STKLD1: variants seen among roughly 807,000 people sequenced by gnomAD.
STKLD1 encodes serine/threonine kinase-like domain-containing protein STKLD1.
STKLD1 carries 79 observed loss-of-function variants against 80.4 expected under a neutral mutation model. The ratio of observed to expected loss-of-function variants is 0.98; its 90% CI spans 0.82 to 1.19. The LOEUF is 1.19. STKLD1 is among the 50% of genes most tolerant of loss of function. The probability of loss-of-function intolerance (pLI) is 0.00; values close to 1 mark genes in which losing one functional copy is unlikely to be tolerated. For synonymous variants in STKLD1, 393 were observed against 357.6 expected (o/e 1.10, Z -1.12); for missense variants, 841 against 856.0 (o/e 0.98, Z 0.22).
intron 7 of STKLD1, among the ~76,000 whole-genome samples, chr9:133,392,687 G>A (rs1214064924): frequency 0.019 from 1,929 of 102,748 alleles, 171 homozygotes; most frequent in Non-Finnish European, 0.026. Context: ...GGATGGGTGA[G>A]TAGGTGAGTG....
chr9:133,401,201 C>T (rs1195072564), intron 12 of STKLD1, among the ~76,000 whole-genome samples: 21 of 148,724 alleles, frequency 1.4e-4, no homozygotes, highest in Admixed American at 1.2e-3. Flanking sequence ...TGCAGTGGCG[C>T]ACTCTCGGCT....
intron 9 of STKLD1, chr9:133,396,045 G>T (rs1396929033): frequency 8.2e-6 from 2 of 243,188 alleles, no homozygotes; most frequent in Admixed American, 5.3e-5. Context: ...CCAGAAAAAA[G>T]TTTTCATTCT....
intron 9 of STKLD1, 120 bp downstream of exon 9, chr9:133,395,883 C>G: frequency 9.9e-7 from 1 of 1,005,744 alleles, no homozygotes; most frequent in Non-Finnish European, 1.5e-6. Flanking sequence ...CACAGATGCC[C>G]TGATTATCCC....
chr9:133,378,331 GAT>G (rs1276606842), intron 1 of STKLD1, among the ~76,000 whole-genome samples: 1 of 151,994 alleles, frequency 6.6e-6, no homozygotes. Flanking sequence ...CCAATCCTCT[GAT>G]GAATGTCAGC....
intron 10 of STKLD1, among the ~76,000 whole-genome samples, 186 bp from the exon 11 acceptor site, chr9:133,397,786 A>G (rs1298728757): frequency 6.6e-6 from 1 of 152,120 alleles, no homozygotes; most frequent in Non-Finnish European, 1.5e-5. Context: ...ATTAAGGAAA[A>G]GTTGCTTGGT....
Position 133,385,737 on chromosome 9 carries a change from C to T in STKLD1, c.294+46C>T, listed in dbSNP as rs990133892. The T allele has an allele frequency of 1.9e-6, 3 of 1,576,010 alleles. No individual in the cohort carries two copies. The highest frequency in any genetic ancestry group is 1.7e-5 in the Admixed American group (1 of 59,652). On this transcript the variant is annotated intron_variant, in intron 4 of 17. Coordinates refer to ENST00000371957, the MANE Select transcript of STKLD1 (RefSeq NM_153710.5). The surrounding 1 kb of genome is among the most constrained non-coding windows in gnomAD (Gnocchi z 4.9). ...ACGGGCTCAGCCGCCACGCAGTGGGCTGCAGGACCAAGCAGACTGAGCCCA... is the reference window on the plus strand; with the variant it reads ...ACGGGCTCAGCCGCCACGCAGTGGGTTGCAGGACCAAGCAGACTGAGCCCA...
At chr9:133,381,040 TTTTTG>T (rs113425746) in intron 2 of STKLD1, among the ~76,000 whole-genome samples, 15 of 152,036 alleles carry the variant, frequency 9.9e-5, no homozygotes, top group Admixed American at 4.6e-4. Flanking sequence ...TTTGTTTGTT[TTTTTG>T]TTTTGTTTTG....
rs1202747111 is a variant in STKLD1 at position 133,394,198 on chromosome 9, A to G, written c.584-93A>G. The G allele has an allele frequency of 1.2e-6, 1 of 839,636 alleles. No individual in the cohort carries two copies. The highest frequency in any genetic ancestry group is 2.1e-6 in the Non-Finnish European group (1 of 486,852). 52.0% of individuals were successfully genotyped at this position (839,636 alleles called of 1,614,324 possible). A position where few individuals can be genotyped will look rare whatever the true frequency, so the allele number is the denominator to read the frequency against. On this transcript the variant is annotated intron_variant, in intron 7 of 17. Coordinates refer to ENST00000371957, the MANE Select transcript of STKLD1 (RefSeq NM_153710.5). The surrounding 1 kb of genome is among the most constrained non-coding windows in gnomAD (Gnocchi z 4.9). Reference sequence around the variant, plus strand: ...TTCAAGCTGCTTGCGGGGGGCCACCAAAGGGGATACAGTGCTGGGCAGGGT... The same window carrying G: ...TTCAAGCTGCTTGCGGGGGGCCACCGAAGGGGATACAGTGCTGGGCAGGGT...
chr9:133,391,404 C>T (rs2130289464), intron 7 of STKLD1, among the ~76,000 whole-genome samples: 13 of 150,832 alleles, frequency 8.6e-5, no homozygotes, highest in East Asian at 1.9e-4. Flanking sequence ...ATGGCAATGG[C>T]GGTTTTGTGG....
Position 133,395,662 on chromosome 9 carries a change from C to G in STKLD1, c.765C>G (p.Val255=). 6.2e-7 allele frequency: 1 copy of G among 1,613,442 alleles called. No homozygotes were observed. Among genetic ancestry groups the G allele is most frequent in the Non-Finnish European group, 8.5e-7 (1 of 1,180,038 alleles). The stretch of plus-strand genomic sequence containing the variant: ...AGAGCCCAGGCAGCCTGAAGGCCGT[C>G]CTGAAGACAATGGAGGAGAAGCAGA... The part of the protein sequence containing the change: ...LRQSPGSLKA[V]LKTMEEKQIP... Residue 255 remains valine (V), a synonymous_variant, in exon 9 of 18, where the codon GTC becomes GTG. Coordinates refer to ENST00000371957, the MANE Select transcript of STKLD1 (RefSeq NM_153710.5).
At chr9:133,381,837 A>T (rs1409758161) in intron 2 of STKLD1, among the ~76,000 whole-genome samples, 3 of 152,236 alleles carry the variant, frequency 2.0e-5, no homozygotes, top group Non-Finnish European at 2.9e-5. Flanking sequence ...GAAGACAGGA[A>T]GGCTCACTCA....
intron 14 of STKLD1, among the ~76,000 whole-genome samples, chr9:133,403,462 G>A (rs1554778081): frequency 6.6e-6 from 1 of 152,192 alleles, no homozygotes; most frequent in Non-Finnish European, 1.5e-5. Flanking sequence ...AGGAAAAAGA[G>A]AGCTCCAAAC....
In STKLD1 at chr9:133,391,126, C is replaced by T. The variant is rs2130288065; in HGVS notation, c.583+330C>T. ...AGGAAGGATATGAAAATGCCCAGGA[C>T]GGAGGGAGGTGGGGGGGGTCAGCCC... On this transcript the variant is annotated intron_variant, in intron 7 of 17. Transcript: ENST00000371957. 7.2e-5 allele frequency among the ~76,000 whole-genome samples: 11 copies of T among 152,032 alleles called. No individual in the cohort carries two copies. In the East Asian group the frequency reaches 1.4e-3, roughly 19 times the overall value.
In STKLD1 at chr9:133,385,662, C is replaced by G. The variant is rs1838248114; in HGVS notation, c.265C>G (p.Gln89Glu). The G allele has an allele frequency of 6.2e-7, 1 of 1,613,146 alleles. No homozygotes were observed. The highest frequency in any genetic ancestry group is 1.3e-5 in the African/African-American group (1 of 74,920). ...GCGGCACGCCCACATCTCTGTGTAC[C>G]AGGAGCTGTTCATCACGTGGAATGG... ...KLRHAHISVYQELFITWNGEI... is the reference protein window; with the variant it reads ...KLRHAHISVYEELFITWNGEI... Residue 89 changes from glutamine to glutamate, a missense_variant, in exon 4 of 18, where the codon CAG becomes GAG. Physicochemically the swap from Gln to Glu is conservative, Grantham distance 29. Transcript: ENST00000371957. This position sits in a 1 kb window ranked among gnomAD's most constrained non-coding sequence, Gnocchi z 4.9.
At chr9:133,387,661 T>A in intron 5 of STKLD1, 113 bp downstream of exon 5, 1 of 831,974 alleles carries the variant, frequency 1.2e-6, no homozygotes. Flanking sequence ...CCAGCCTTGT[T>A]TTTTTCTTAA....
intron 8 of STKLD1, 99 bp from the exon 9 acceptor site, chr9:133,395,498 TCTC>T: frequency 7.6e-7 from 1 of 1,317,800 alleles, no homozygotes; most frequent in Non-Finnish European, 1.0e-6. Context: ...CTCTCCCTGG[TCTC>T]CTCCTGGATT....
In STKLD1 at chr9:133,384,001, G is replaced by A. The variant is rs1175280956; in HGVS notation, c.219+101G>A. 7 of 1,181,538 alleles carry A rather than the reference G, an allele frequency of 5.9e-6. No homozygotes were observed. The highest frequency in any genetic ancestry group is 7.6e-6 in the Non-Finnish European group (6 of 794,306). The allele number at this position is 1,181,538 out of a possible 1,614,324, so 73.2% of individuals were successfully genotyped here. On this transcript the variant is annotated intron_variant, in intron 3 of 17. Coordinates refer to ENST00000371957, the MANE Select transcript of STKLD1 (RefSeq NM_153710.5). The surrounding 1 kb of genome is among the most constrained non-coding windows in gnomAD (Gnocchi z 4.3). ...GAGTGCCTGGATGAAGAGAAGGCTG[G>A]AGGGAGGGATAGAGCATCAGCACCA...
intron 2 of STKLD1, among the ~76,000 whole-genome samples, chr9:133,382,491 T>A (rs1588736869): frequency 6.6e-6 from 1 of 151,656 alleles, no homozygotes. Context: ...GTGGTAGTGG[T>A]GGTGATGGTG....
In STKLD1 at chr9:133,379,029, C is replaced by A. The variant is rs965605918; in HGVS notation, c.88-7C>A. The A allele has an allele frequency of 6.2e-7, 1 of 1,611,612 alleles. No individual in the cohort carries two copies. Among genetic ancestry groups the A allele is most frequent in the Non-Finnish European group, 8.5e-7 (1 of 1,178,832 alleles). ...TTCCTGAAAGCTTCTCTCTTCCTTG[C>A]TGATAGGTTTTGTACCAGCTGAATC... On this transcript the variant is annotated splice_region_variant and splice_polypyrimidine_tract_variant and intron_variant, in intron 1 of 17. Transcript: ENST00000371957.
Sources: allele counts gnomAD v4.1 joint callset (sites outside exome capture counted in the v4.1 genomes callset), GRCh38; gene constraint gnomAD v4.1.1; non-coding constraint Gnocchi (gnomAD v3.1); transcripts MANE v1.5; gene names NCBI Gene and HGNC (gene_info 2026-07-23, HGNC 2026-07-21).